Variants in MACROD1 observed in about 807,000 individuals in gnomAD.
MACROD1 encodes mono-ADP ribosylhydrolase 1.
MACROD1 carries 31 observed loss-of-function variants against 41.4 expected under a neutral mutation model. The observed-to-expected ratio is 0.75, with a 90% CI of 0.56 to 1.01. The LOEUF (loss-of-function observed/expected upper bound fraction) is 1.01, where lower values mean the gene tolerates loss of function less well. Among genes scored for constraint, MACROD1 ranks in the 50% least tolerant of loss-of-function variants. The pLI, the probability that MACROD1 is intolerant of heterozygous loss-of-function variation, is 0.00. For synonymous variants in MACROD1, 252 were observed against 203.4 expected (o/e 1.24, Z -2.03); for missense variants, 473 against 460.0 (o/e 1.03, Z -0.26).
At position 64,151,224 on chromosome 11, in the gene MACROD1, A is replaced by G; in HGVS notation, c.517+15T>C. On this transcript the variant is annotated intron_variant, in intron 3 of 10. Coordinates refer to ENST00000255681, the MANE Select transcript of MACROD1 (RefSeq NM_014067.4). Reference sequence around the variant, plus strand: ...AGGGCGGCCACCAGGTCTCTGGTTCAGGCCAGCCACTCACCGGCGTTGACG... The same window carrying G: ...AGGGCGGCCACCAGGTCTCTGGTTCGGGCCAGCCACTCACCGGCGTTGACG... 6.2e-7 allele frequency: 1 copy of G among 1,606,990 alleles called. No individual in the cohort carries two copies. The highest frequency in any genetic ancestry group is 1.1e-5 in the South Asian group (1 of 90,982).
chr11:64,064,903 T>C lies in MACROD1; in HGVS notation c.518-49622A>G, dbSNP rs2134447002. ...GATGAGTGCTTCCAGAGCCCACCTA[T>C]GACGTGCCAGGCAAGGCGGCAGGCA... On this transcript the variant is annotated intron_variant, in intron 3 of 10. Coordinates refer to ENST00000255681, the MANE Select transcript of MACROD1 (RefSeq NM_014067.4). This position sits in a 1 kb window ranked among gnomAD's most constrained non-coding sequence, Gnocchi z 4.5. Among the ~76,000 whole-genome samples, 1 of 152,222 alleles carries C rather than the reference T, an allele frequency of 6.6e-6. No homozygotes were observed. The highest frequency in any genetic ancestry group is 2.4e-5 in the African/African-American group (1 of 41,556).
chr11:64,088,697 G>A (rs898123320), intron 3 of MACROD1, among the ~76,000 whole-genome samples: 1 of 152,188 alleles, frequency 6.6e-6, no homozygotes, highest in Non-Finnish European at 1.5e-5. Flanking sequence ...GGTCTCGGCT[G>A]CCCTGTCTAT....
intron 3 of MACROD1, among the ~76,000 whole-genome samples, chr11:64,050,497 C>T (rs1943672694): frequency 6.6e-6 from 1 of 152,186 alleles, no homozygotes; most frequent in African/African-American, 2.4e-5. Flanking sequence ...GCCATGGATG[C>T]TTCAGCCCCC....
At chr11:64,138,137 A>T (rs1945356865) in intron 3 of MACROD1, among the ~76,000 whole-genome samples, 1 of 152,124 alleles carries the variant, frequency 6.6e-6, no homozygotes, top group African/African-American at 2.4e-5. Flanking sequence ...AGGTCACAAG[A>T]GCTAGCAAGT....
rs925027329 is a variant in MACROD1 at position 64,146,769 on chromosome 11, G to A, written c.517+4470C>T. 1.3e-4 allele frequency among the ~76,000 whole-genome samples: 20 copies of A among 148,950 alleles called. No individual in the cohort carries two copies. The highest frequency in any genetic ancestry group is 5.0e-4 in the African/African-American group (20 of 40,290). On this transcript the variant is annotated intron_variant, in intron 3 of 10. Transcript: ENST00000255681. The surrounding 1 kb of genome is among the most constrained non-coding windows in gnomAD (Gnocchi z 4.7). The stretch of plus-strand genomic sequence containing the variant: ...ACACACACACATCACGCACACACAC[G>A]CATCACACACATCATACAAATGCAT...
At chr11:64,125,589 G>A (rs979502042) in intron 3 of MACROD1, among the ~76,000 whole-genome samples, 14 of 152,214 alleles carry the variant, frequency 9.2e-5, no homozygotes, top group Admixed American at 7.2e-4. Context: ...GGCACAGAGA[G>A]GGGCTCATCT....
rs373555549 is a variant in MACROD1 at position 64,107,006 on chromosome 11, C to A, written c.517+44233G>T. ...TCAAGTGAATCTCCTGCCTCAGCCT[C>A]CCAAGTAGCTGGGATTACAGGCATG... On this transcript the variant is annotated intron_variant, in intron 3 of 10. Transcript: ENST00000255681. Among the ~76,000 whole-genome samples, 8 of 152,346 alleles carry A rather than the reference C, an allele frequency of 5.3e-5. No individual in the cohort carries two copies. In the East Asian group the frequency reaches 1.4e-3, roughly 26 times the overall value.
intron 3 of MACROD1, chr11:64,148,775 A>G (rs377342527): frequency 5.1e-6 from 5 of 985,760 alleles, no homozygotes; most frequent in Non-Finnish European, 6.0e-6. Context: ...TTCCACTAAT[A>G]AACAGGCTGA....
At chr11:64,053,479 G>T (rs1276557402) in intron 3 of MACROD1, among the ~76,000 whole-genome samples, 2 of 152,158 alleles carry the variant, frequency 1.3e-5, no homozygotes, top group Non-Finnish European at 2.9e-5. Context: ...CTGTGGCCCC[G>T]ATGGGAGTGT....
chr11:64,123,703 T>A (rs974482079), intron 3 of MACROD1, among the ~76,000 whole-genome samples: 32 of 152,090 alleles, frequency 2.1e-4, no homozygotes, highest in African/African-American at 6.7e-4. Context: ...GCCCATCCAG[T>A]CCTTAGAAAG....
intron 3 of MACROD1, chr11:64,116,353 T>G: frequency 6.2e-7 from 1 of 1,613,020 alleles, no homozygotes; most frequent in South Asian, 1.1e-5. Flanking sequence ...ACGGCCACCA[T>G]GGACCTGCGG....
In MACROD1 at chr11:64,152,545, A is replaced by T. The variant is rs537014701; in HGVS notation, c.299-152T>A. The T allele has an allele frequency of 5.2e-3, 3,410 of 650,406 alleles. 42 individuals are homozygous for T. The highest frequency in any genetic ancestry group is 0.029 in the South Asian group (1,639 of 56,122). The allele number at this position is 650,406 out of a possible 1,614,324, so 40.3% of individuals were successfully genotyped here. ...CACACAGGGCAGGCATGCTGGGGAA[A>T]CCTCAGAGGCCCCTAGAATATCTTG... is the stretch of plus-strand genomic sequence containing the variant. On this transcript the variant is annotated intron_variant, in intron 1 of 10. Coordinates refer to ENST00000255681, the MANE Select transcript of MACROD1 (RefSeq NM_014067.4).
chr11:64,073,941 A>T (rs1944154964), intron 3 of MACROD1, among the ~76,000 whole-genome samples: 1 of 151,984 alleles, frequency 6.6e-6, no homozygotes, highest in African/African-American at 2.4e-5. Context: ...TCAGGGAGGG[A>T]GGCTGGGGCC....
intron 1 of MACROD1, among the ~76,000 whole-genome samples, chr11:64,162,900 C>T (rs1168242701): frequency 6.6e-6 from 1 of 152,144 alleles, no homozygotes; most frequent in Non-Finnish European, 1.5e-5. Flanking sequence ...ACGGGCAGAT[C>T]ACGAGGTCCG....
Position 64,120,261 on chromosome 11 carries a change from G to A in MACROD1, c.517+30978C>T, listed in dbSNP as rs201118717. On this transcript the variant is annotated intron_variant, in intron 3 of 10. Transcript: ENST00000255681. The surrounding 1 kb of genome is among the most constrained non-coding windows in gnomAD (Gnocchi z 4.5). ...AAATAGGTCCACTCCCCAGCCCTGG[G>A]GAACAGCCGAGCAGCGTGGTCACGT... is the stretch of plus-strand genomic sequence containing the variant. 1.9e-3 allele frequency among the ~76,000 whole-genome samples: 285 copies of A among 152,294 alleles called. 3 individuals carry two copies. The South Asian group carries it at 0.026, about 14-fold the overall frequency.
chr11:64,116,733 C>G, intron 3 of MACROD1: 1 of 1,613,736 alleles, frequency 6.2e-7, no homozygotes, highest in Non-Finnish European at 8.5e-7. Flanking sequence ...GCTGGAGAAG[C>G]TGCACCTGGA....
intron 4 of MACROD1, among the ~76,000 whole-genome samples, chr11:64,000,692 C>T (rs923428943): frequency 2.7e-5 from 2 of 74,246 alleles, no homozygotes; most frequent in African/African-American, 6.3e-5. Context: ...CCGCCCGAGC[C>T]GGGGTGACGG....
At chr11:64,054,514 C>A (rs1943748977) in intron 3 of MACROD1, among the ~76,000 whole-genome samples, 1 of 152,122 alleles carries the variant, frequency 6.6e-6, no homozygotes, top group African/African-American at 2.4e-5. Flanking sequence ...CCCCTTGCAT[C>A]TTCTCTCTGC....
At chr11:64,152,148 A>G in intron 2 of MACROD1, 144 bp downstream of exon 2, 1 of 663,982 alleles carries the variant, frequency 1.5e-6, no homozygotes, top group Non-Finnish European at 2.7e-6. Context: ...AAATAAAATA[A>G]TTGAATGAGG....
Sources: gnomAD v4.1 joint callset for allele counts (sites outside exome capture counted in the v4.1 genomes callset) on GRCh38, gnomAD v4.1.1 for gene constraint, Gnocchi (gnomAD v3.1) non-coding constraint, MANE v1.5 for transcripts, NCBI Gene and HGNC (gene_info 2026-07-23, HGNC 2026-07-21) for gene names.